Variants in ASTN1 observed in about 807,000 individuals in gnomAD.
The protein encoded by ASTN1 is astrotactin 1.
A neutral mutation model predicts 140.7 loss-of-function variants in ASTN1; 41 were observed. The ratio of observed to expected loss-of-function variants is 0.29; its 90% confidence interval spans 0.23 to 0.38. The LOEUF (loss-of-function observed/expected upper bound fraction) is 0.38. ASTN1 is among the 10% of genes least tolerant of loss of function. The pLI, the probability that ASTN1 is intolerant of heterozygous loss-of-function variation, is 1.00. For synonymous variants in ASTN1, 640 were observed against 652.2 expected (o/e 0.98, Z 0.29); for missense variants, 1,479 against 1,678.8 (o/e 0.88, Z 2.08).
At chr1:176,904,118 T>G (rs966535230) in intron 16 of ASTN1, among the ~76,000 whole-genome samples, 1 of 152,170 alleles carries the variant, frequency 6.6e-6, no homozygotes, top group Non-Finnish European at 1.5e-5. Flanking sequence ...AGGCATGAAT[T>G]TGGAAGGACA....
Position 177,164,704 on chromosome 1 carries a change from C to T in ASTN1, c.-28G>A. ...TGAGCCCCGGCCGCCTTCCTCCTAG[C>T]GCTGCGATGGTGGGGGAGGAAGCGA... On this transcript the variant is annotated 5_prime_UTR_variant, in exon 1 of 23. Coordinates refer to ENST00000361833, the MANE Select transcript of ASTN1 (RefSeq NM_004319.3). 6.6e-7 allele frequency: 1 copy of T among 1,519,286 alleles called. No homozygotes were observed. The highest frequency in any genetic ancestry group is 8.8e-7 in the Non-Finnish European group (1 of 1,137,184). The allele number at this position is 1,519,286 out of a possible 1,614,324, so 94.1% of individuals were successfully genotyped here.
chr1:176,889,419 T>G (rs543737967), intron 17 of ASTN1, among the ~76,000 whole-genome samples: 63 of 152,220 alleles, frequency 4.1e-4, no homozygotes, highest in African/African-American at 1.5e-3. Context: ...ATCAGTAAAT[T>G]AGAAAAGTGA....
At chr1:177,126,510 G>A (rs578133968) in intron 1 of ASTN1, among the ~76,000 whole-genome samples, 1 of 152,300 alleles carries the variant, frequency 6.6e-6, no homozygotes, top group Non-Finnish European at 1.5e-5. Context: ...CAGTAGCACA[G>A]GAGAGTTAAT....
intron 1 of ASTN1, among the ~76,000 whole-genome samples, chr1:177,089,969 G>T (rs1679665235): frequency 6.6e-6 from 1 of 151,758 alleles, no homozygotes; most frequent in Non-Finnish European, 1.5e-5. Flanking sequence ...ATGTTAATCT[G>T]GCCTTACTCA....
intron 8 of ASTN1, among the ~76,000 whole-genome samples, chr1:176,970,620 C>T (rs1571585844): frequency 6.6e-6 from 1 of 151,344 alleles, no homozygotes; most frequent in Non-Finnish European, 1.5e-5. Context: ...GACAGACAGA[C>T]AGATAGATAG....
At chr1:176,946,172 C>T (rs1037896525) in intron 12 of ASTN1, 52 bp from the exon 13 acceptor site, 1 of 1,441,538 alleles carries the variant, frequency 6.9e-7, no homozygotes. Flanking sequence ...ATGACCCATG[C>T]AGGCAAGTCA....
chr1:176,940,370 C>A (rs1035681371), intron 14 of ASTN1, among the ~76,000 whole-genome samples: 6 of 152,146 alleles, frequency 3.9e-5, no homozygotes, highest in African/African-American at 1.4e-4. Flanking sequence ...ACAATTGACA[C>A]CAAACAACCC....
At chr1:177,027,308 A>G (rs1676167523) in intron 5 of ASTN1, among the ~76,000 whole-genome samples, 1 of 152,080 alleles carries the variant, frequency 6.6e-6, no homozygotes, top group African/African-American at 2.4e-5. Context: ...AGCTCTTATC[A>G]CATAGAATCA....
intron 16 of ASTN1, among the ~76,000 whole-genome samples, chr1:176,917,044 C>T (rs1385611362): frequency 1.3e-5 from 2 of 152,176 alleles, no homozygotes; most frequent in Non-Finnish European, 2.9e-5. Context: ...CTGAGGTTCC[C>T]TCACCCTCCT....
chr1:177,110,925 C>T (rs1014384654), intron 1 of ASTN1, among the ~76,000 whole-genome samples: 3 of 152,160 alleles, frequency 2.0e-5, no homozygotes, highest in African/African-American at 4.8e-5. Flanking sequence ...ATGAAGTGGG[C>T]TTGATTTAGA....
intron 1 of ASTN1, among the ~76,000 whole-genome samples, chr1:177,099,304 A>G (rs931441610): frequency 1.3e-5 from 2 of 152,256 alleles, no homozygotes; most frequent in Non-Finnish European, 2.9e-5. Context: ...ACATCAATAC[A>G]TAATCTTTTT....
At position 176,965,226 on chromosome 1, in the gene ASTN1, T is replaced by C; in HGVS notation, c.1535A>G (p.Tyr512Cys). Residue 512 changes from tyrosine to cysteine, a missense_variant, in exon 9 of 23, where the codon TAC becomes TGC. Transcript: ENST00000361833. ...EWGTNQGPWP[Y>C]TIFQRGFDLV... ...GTCAAAGCCTCGCTGAAATATTGTG[T>C]AAGGCCATGGCCTAAAAGAAGAAAC... 1 of 1,613,964 alleles carries C rather than the reference T, an allele frequency of 6.2e-7. No homozygotes were observed. Among genetic ancestry groups the C allele is most frequent in the Non-Finnish European group, 8.5e-7 (1 of 1,179,858 alleles).
intron 1 of ASTN1, among the ~76,000 whole-genome samples, chr1:177,118,192 A>G (rs1487723682): frequency 6.6e-6 from 1 of 152,158 alleles, no homozygotes; most frequent in Admixed American, 6.6e-5. Context: ...AATGAATAAA[A>G]GAGTAAATAT....
At chr1:176,948,209 T>C (rs1022398533) in intron 12 of ASTN1, among the ~76,000 whole-genome samples, 2 of 152,062 alleles carry the variant, frequency 1.3e-5, no homozygotes, top group African/African-American at 4.8e-5. Flanking sequence ...GAACTATATG[T>C]TATTTATCTT....
At chr1:177,040,947 T>A (rs544577163) in intron 2 of ASTN1, among the ~76,000 whole-genome samples, 1 of 152,298 alleles carries the variant, frequency 6.6e-6, no homozygotes, top group East Asian at 1.9e-4. Context: ...TCTTGAGATT[T>A]TTTTCTTGCC....
intron 16 of ASTN1, among the ~76,000 whole-genome samples, chr1:176,915,850 G>T (rs74585817): frequency 6.6e-6 from 1 of 152,120 alleles, no homozygotes; most frequent in Non-Finnish European, 1.5e-5. Flanking sequence ...ATCATAGACC[G>T]TTTAGTGTTA....
chr1:177,009,018 T>C (rs564851391), intron 8 of ASTN1, among the ~76,000 whole-genome samples: 1 of 152,288 alleles, frequency 6.6e-6, no homozygotes, highest in East Asian at 1.9e-4. Flanking sequence ...AAATTTCCTA[T>C]GTCACAGCAG....
intron 8 of ASTN1, among the ~76,000 whole-genome samples, chr1:177,010,842 A>T (rs1675254218): frequency 6.6e-6 from 1 of 152,230 alleles, no homozygotes; most frequent in Non-Finnish European, 1.5e-5. Flanking sequence ...TTTTACTGAG[A>T]TAATCCAGAT....
intron 1 of ASTN1, among the ~76,000 whole-genome samples, chr1:177,086,389 T>A (rs577744100): frequency 7.9e-5 from 12 of 152,256 alleles, no homozygotes; most frequent in African/African-American, 2.9e-4. Context: ...AATCCCAAAC[T>A]AAACAAATAA....
Sources: gnomAD v4.1 joint callset for allele counts (sites outside exome capture counted in the v4.1 genomes callset) on GRCh38, gnomAD v4.1.1 for gene constraint, MANE v1.5 for transcripts, NCBI Gene and HGNC (gene_info 2026-07-23, HGNC 2026-07-21) for gene names.